The following FHOD3 variants were observed in gnomAD, a reference collection of about 807,000 sequenced individuals.
FHOD3 encodes the protein FH1/FH2 domain-containing protein 3.
A neutral mutation model predicts 173.0 loss-of-function variants in FHOD3; 90 were observed. That is an observed-to-expected ratio of 0.52 (90% CI 0.44 to 0.62). FHOD3 has a LOEUF of 0.62. Among genes scored for constraint, FHOD3 ranks in the 20% least tolerant of loss-of-function variants. The probability of loss-of-function intolerance (pLI) is 0.00; values close to 1 mark genes in which losing one functional copy is unlikely to be tolerated. For missense variants in FHOD3, 1,945 were observed against 2,034.7 expected, an observed-to-expected ratio of 0.96 and a Z score of 0.85; for synonymous variants, 828 against 823.0, an observed-to-expected ratio of 1.01 and a Z score of -0.10.
chr18:36,543,250 A>C (rs181290950), intron 5 of FHOD3, among the ~76,000 whole-genome samples: 441 of 126,618 alleles, frequency 3.5e-3, no homozygotes, highest in Non-Finnish European at 6.5e-3. Context: ...TATAGTGTGT[A>C]TATATACATA....
At chr18:36,565,565 A>C (rs1283726981) in intron 5 of FHOD3, among the ~76,000 whole-genome samples, 1 of 152,158 alleles carries the variant, frequency 6.6e-6, no homozygotes. Context: ...CCTAGTTACC[A>C]CTGATACTTG....
intron 3 of FHOD3, among the ~76,000 whole-genome samples, chr18:36,500,934 A>T (rs773726082): frequency 6.6e-6 from 1 of 152,132 alleles, no homozygotes; most frequent in Non-Finnish European, 1.5e-5. Flanking sequence ...GCTAAGCGGG[A>T]TGTGTGCTCC....
chr18:36,721,616 C>T lies in FHOD3; in HGVS notation c.3417+2901C>T, dbSNP rs145626196. ...GAGCTGTGATCATGCCACTGCACTCCAGTCTGGGTGACAGAGCAAGACTCT... is the reference window on the plus strand; with the variant it reads ...GAGCTGTGATCATGCCACTGCACTCTAGTCTGGGTGACAGAGCAAGACTCT... On this transcript the variant is annotated intron_variant, in intron 19 of 28. Coordinates refer to ENST00000590592, the MANE Select transcript of FHOD3 (RefSeq NM_001281740.3). Among the ~76,000 whole-genome samples the T allele has an allele frequency of 9.0e-3, 1,368 of 152,228 alleles. 18 individuals are homozygous for T. The highest frequency in any genetic ancestry group is 0.031 in the African/African-American group (1,269 of 41,522).
chr18:36,493,224 T>TC (rs1188431003), intron 3 of FHOD3, among the ~76,000 whole-genome samples: 2 of 151,460 alleles, frequency 1.3e-5, no homozygotes, highest in East Asian at 3.9e-4. Flanking sequence ...TTTTTTTTTT[T>TC]TTTTTTTACA....
intron 3 of FHOD3, among the ~76,000 whole-genome samples, chr18:36,494,492 AT>A (rs1261191866): frequency 1.3e-5 from 2 of 152,222 alleles, no homozygotes; most frequent in Admixed American, 1.3e-4. Flanking sequence ...TGCTACCCAA[AT>A]GAGTATACCC....
intron 22 of FHOD3, among the ~76,000 whole-genome samples, chr18:36,743,334 A>G (rs1030911175): frequency 2.8e-5 from 4 of 141,596 alleles, no homozygotes. Context: ...AAAAAAAAAA[A>G]AAGATATCAG....
At chr18:36,547,989 A>G (rs1394058145) in intron 5 of FHOD3, among the ~76,000 whole-genome samples, 2 of 152,278 alleles carry the variant, frequency 1.3e-5, no homozygotes, top group Admixed American at 1.3e-4. Flanking sequence ...GTCAGGAGTT[A>G]GAGACCAGCC....
At chr18:36,687,246 A>C in intron 16 of FHOD3, 68 bp downstream of exon 16, 14 of 1,158,986 alleles carry the variant, frequency 1.2e-5, no homozygotes, top group Non-Finnish European at 1.7e-5. Flanking sequence ...CCTAGCATGC[A>C]GAGAGACTGT....
intron 3 of FHOD3, among the ~76,000 whole-genome samples, chr18:36,380,485 C>T (rs1598902501): frequency 6.7e-6 from 1 of 149,446 alleles, no homozygotes; most frequent in East Asian, 2.0e-4. Flanking sequence ...TCCCCTCCCT[C>T]CCTTCCCTCT....
chr18:36,572,913 C>T (rs2058503738), intron 5 of FHOD3, among the ~76,000 whole-genome samples: 1 of 152,076 alleles, frequency 6.6e-6, no homozygotes, highest in Non-Finnish European at 1.5e-5. Flanking sequence ...GGGAAAAGGA[C>T]AGTGGAGCAA....
At chr18:36,368,551 A>G (rs919614361) in intron 2 of FHOD3, among the ~76,000 whole-genome samples, 2 of 152,174 alleles carry the variant, frequency 1.3e-5, no homozygotes, top group African/African-American at 4.8e-5. Flanking sequence ...CTTCAGCTCC[A>G]TTGCTTAACT....
intron 3 of FHOD3, among the ~76,000 whole-genome samples, chr18:36,473,483 A>G (rs910525343): frequency 6.6e-6 from 1 of 152,170 alleles, no homozygotes. Context: ...CCAATTCCTG[A>G]TCCCTGGGTG....
intron 7 of FHOD3, among the ~76,000 whole-genome samples, chr18:36,595,712 C>G (rs2030237495): frequency 6.6e-6 from 1 of 152,214 alleles, no homozygotes; most frequent in East Asian, 1.9e-4. Flanking sequence ...AGCTTCTGCT[C>G]TGGTTTACTG....
chr18:36,326,705 C>T (rs894591201), intron 1 of FHOD3, among the ~76,000 whole-genome samples: 3 of 152,146 alleles, frequency 2.0e-5, no homozygotes, highest in Non-Finnish European at 4.4e-5. Flanking sequence ...GAGCTATGAT[C>T]GCACCACTGC....
chr18:36,406,464 G>A (rs1041067520), intron 3 of FHOD3, among the ~76,000 whole-genome samples: 4 of 152,130 alleles, frequency 2.6e-5, no homozygotes, highest in South Asian at 2.1e-4. Flanking sequence ...ATTTGGGTCC[G>A]GACCTTCTGG....
intron 1 of FHOD3, among the ~76,000 whole-genome samples, chr18:36,334,890 A>G (rs2045223394): frequency 6.6e-6 from 1 of 152,204 alleles, no homozygotes; most frequent in Non-Finnish European, 1.5e-5. Flanking sequence ...GGACTAATTT[A>G]TTCCTGTAAG....
chr18:36,428,771 A>G (rs2050384599), intron 3 of FHOD3, among the ~76,000 whole-genome samples: 1 of 151,922 alleles, frequency 6.6e-6, no homozygotes, highest in Admixed American at 6.6e-5. Flanking sequence ...ATTTTTTCCA[A>G]CTTCAGGATA....
intron 4 of FHOD3, among the ~76,000 whole-genome samples, chr18:36,508,364 C>T (rs1426500286): frequency 6.6e-6 from 1 of 151,570 alleles, no homozygotes; most frequent in Non-Finnish European, 1.5e-5. Flanking sequence ...CCAAAAGGCA[C>T]CAGAGCTCCT....
chr18:36,701,225 G>A (rs1227205067), intron 17 of FHOD3, among the ~76,000 whole-genome samples: 2 of 152,144 alleles, frequency 1.3e-5, no homozygotes, highest in East Asian at 3.9e-4. Context: ...CATGAGCCAT[G>A]GGTGGAGGAC....
Sources: gnomAD v4.1 joint callset for allele counts (sites outside exome capture counted in the v4.1 genomes callset) on GRCh38, gnomAD v4.1.1 for gene constraint, MANE v1.5 for transcripts, NCBI Gene and HGNC (gene_info 2026-07-23, HGNC 2026-07-21) for gene names.